KANK1: variants seen among roughly 807,000 people sequenced by gnomAD.
The protein encoded by KANK1 is KN motif and ankyrin repeat domain-containing protein 1.
A neutral mutation model predicts 106.2 loss-of-function variants in KANK1; 109 were observed. That is an observed-to-expected ratio of 1.03 (90% CI 0.88 to 1.20). The LOEUF (loss-of-function observed/expected upper bound fraction) is 1.20, where lower values mean the gene tolerates loss of function less well. Among genes scored for constraint, KANK1 ranks in the 50% most tolerant of loss-of-function variants. KANK1 has a pLI of 0.00. For missense variants in KANK1, 2,399 were observed against 1,710.7 expected, an observed-to-expected ratio of 1.40 and a Z score of -7.10; for synonymous variants, 873 against 652.2, an observed-to-expected ratio of 1.34 and a Z score of -5.16.
chr9:489,670 G>T (rs1444694645), intron 3 of KANK1, among the ~76,000 whole-genome samples: 1 of 152,178 alleles, frequency 6.6e-6, no homozygotes, highest in Admixed American at 6.5e-5. Flanking sequence ...GTTGGTGAAA[G>T]TATTAGAGAT....
At chr9:513,404 T>G (rs556321171) in intron 1 of KANK1, among the ~76,000 whole-genome samples, 44 of 152,288 alleles carry the variant, frequency 2.9e-4, no homozygotes, top group African/African-American at 1.0e-3. Flanking sequence ...GCCCTGTAAC[T>G]CTGTTGGAGG....
intron 1 of KANK1, among the ~76,000 whole-genome samples, chr9:633,638 T>C (rs1836361548): frequency 6.6e-6 from 1 of 152,132 alleles, no homozygotes; most frequent in South Asian, 2.1e-4. Context: ...TTTCCAGGCT[T>C]ACTGTTTAAA....
intron 1 of KANK1, among the ~76,000 whole-genome samples, chr9:618,312 A>G (rs952294965): frequency 2.0e-5 from 3 of 152,064 alleles, no homozygotes; most frequent in African/African-American, 7.2e-5. Flanking sequence ...GGTTCAAGCA[A>G]TTCTCCTGCC....
chr9:558,700 AAG>A, intron 1 of KANK1: 1 of 152,032 alleles, frequency 6.6e-6, no homozygotes, highest in African/African-American at 2.4e-5. Flanking sequence ...TGAAAAAAAA[AAG>A]CCCTAAAAAC....
intron 3 of KANK1, among the ~76,000 whole-genome samples, chr9:724,712 G>C (rs1830229867): frequency 6.6e-6 from 1 of 152,042 alleles, no homozygotes; most frequent in African/African-American, 2.4e-5. Context: ...TGAAGCAGGA[G>C]AATCACTTGA....
At chr9:560,694 C>T (rs1816180502) in intron 1 of KANK1, among the ~76,000 whole-genome samples, 1 of 151,818 alleles carries the variant, frequency 6.6e-6, no homozygotes, top group South Asian at 2.1e-4. Context: ...GAAGAGTGGT[C>T]TTTGATCAAG....
At chr9:593,969 A>G (rs529662058) in intron 1 of KANK1, among the ~76,000 whole-genome samples, 4 of 151,890 alleles carry the variant, frequency 2.6e-5, no homozygotes, top group African/African-American at 9.7e-5. Flanking sequence ...GAGGGTGGAG[A>G]GCAAAGTGAC....
chr9:723,475 G>A (rs942337788), intron 3 of KANK1, among the ~76,000 whole-genome samples: 4 of 150,918 alleles, frequency 2.7e-5, no homozygotes, highest in African/African-American at 9.9e-5. Context: ...GCATTTTCGT[G>A]GGGCATGATC....
intron 1 of KANK1, among the ~76,000 whole-genome samples, chr9:575,923 T>A (rs1820436649): frequency 6.6e-6 from 1 of 152,192 alleles, no homozygotes; most frequent in Non-Finnish European, 1.5e-5. Flanking sequence ...CTTGAGAGGC[T>A]GAGGCAGGAA....
At chr9:502,501 G>C (rs1054651511), upstream of KANK1, among the ~76,000 whole-genome samples, 2 of 151,814 alleles carry the variant, frequency 1.3e-5, no homozygotes. Context: ...GAGAGGTGAA[G>C]GCTGGGAATT....
chr9:710,453 A>G (rs755804166), intron 2 of KANK1, among the ~76,000 whole-genome samples: 1 of 151,912 alleles, frequency 6.6e-6, no homozygotes, highest in Admixed American at 6.6e-5. Context: ...CCCTGTCTCT[A>G]CTAAAAGTGT....
At chr9:623,971 A>G (rs1249061643) in intron 1 of KANK1, among the ~76,000 whole-genome samples, 1 of 152,210 alleles carries the variant, frequency 6.6e-6, no homozygotes, top group East Asian at 1.9e-4. Context: ...AGATATGGAA[A>G]CAACCCAAGT....
chr9:521,699 TG>T (rs1339495052), intron 1 of KANK1, among the ~76,000 whole-genome samples: 13 of 150,878 alleles, frequency 8.6e-5, no homozygotes, highest in Non-Finnish European at 1.2e-4. Context: ...CCCGAGTAGC[TG>T]GGGATTACAG....
In KANK1 at chr9:734,785, T is replaced by C. The variant is rs769533430; in HGVS notation, c.3283T>C (p.Leu1095=). ...LSEKMLSACN[L]LKNTINDPKA... is the part of the protein sequence containing the mutation. ...TGAAAAGATGTTGTCTGCATGCAACTTACTGAAAAATACTATAAATGACCC... is the reference window on the plus strand; with the variant it reads ...TGAAAAGATGTTGTCTGCATGCAACCTACTGAAAAATACTATAAATGACCC... Residue 1095 remains leucine, a synonymous_variant, in exon 7 of 12, where the codon TTA becomes CTA. Coordinates refer to ENST00000382297, the MANE Select transcript of KANK1 (RefSeq NM_015158.5). The C allele has an allele frequency of 6.2e-7, 1 of 1,613,910 alleles. No individual in the cohort carries two copies. Among genetic ancestry groups the C allele is most frequent in the South Asian group, 1.1e-5 (1 of 91,076 alleles).
At chr9:686,854 G>C (rs576557242) in intron 2 of KANK1, 1 of 985,234 alleles carries the variant, frequency 1.0e-6, no homozygotes, top group East Asian at 1.1e-4. Flanking sequence ...AACAGCAGCT[G>C]GAATTCACAA....
rs767332557 is a variant in KANK1 at position 615,390 on chromosome 9, C to CT, written c.-83-61493dup. Among the ~76,000 whole-genome samples, 3 of 152,320 alleles carry CT rather than the reference C, an allele frequency of 2.0e-5. No individual in the cohort carries two copies. The East Asian group carries it at 5.8e-4, about 29-fold the overall frequency. ...CTCTTCCTTTTTGCTAGAATTCCCT[C>CT]TTTTTTTCTTTCTACAGAAGTATCA... On this transcript the variant is annotated intron_variant, in intron 1 of 11. Transcript: ENST00000382297.
chr9:534,865 G>T (rs1035351010), intron 1 of KANK1, among the ~76,000 whole-genome samples: 8 of 152,232 alleles, frequency 5.3e-5, no homozygotes, highest in Non-Finnish European at 1.0e-4. Flanking sequence ...TTTTGCCCAT[G>T]TGGGAACAAT....
At chr9:663,715 G>A (rs1563948394) in intron 1 of KANK1, among the ~76,000 whole-genome samples, 2 of 152,182 alleles carry the variant, frequency 1.3e-5, no homozygotes. Context: ...AGGAAGCTGC[G>A]TGGGTCTCAG....
chr9:624,117 A>G (rs1015057465), intron 1 of KANK1, among the ~76,000 whole-genome samples: 4 of 152,206 alleles, frequency 2.6e-5, no homozygotes, highest in African/African-American at 9.7e-5. Flanking sequence ...GCTAAGTGGA[A>G]TAATCCAGAC....
Sources: gnomAD v4.1 joint callset for allele counts (sites outside exome capture counted in the v4.1 genomes callset) on GRCh38, gnomAD v4.1.1 for gene constraint, MANE v1.5 for transcripts, NCBI Gene and HGNC (gene_info 2026-07-23, HGNC 2026-07-21) for gene names.